SUCLG2: variants seen among roughly 807,000 people sequenced by gnomAD.
The protein encoded by SUCLG2 is succinate-CoA ligase GDP-forming subunit beta.
Under a neutral mutation model 47.9 loss-of-function variants are expected in SUCLG2, and 42 were observed. The observed-to-expected ratio is 0.88, with a 90% confidence interval of 0.69 to 1.14. SUCLG2 has a LOEUF of 1.14. Ranked by LOEUF, SUCLG2 falls within the 50% of genes most tolerant of loss-of-function variation. SUCLG2 has a pLI of 0.00. For synonymous variants in SUCLG2, 195 were observed against 197.3 expected, an observed-to-expected ratio of 0.99 and a Z score of 0.10; for missense variants, 571 against 525.9, an observed-to-expected ratio of 1.09 and a Z score of -0.84.
chr3:67,646,007 T>G (rs1014813260), intron 1 of SUCLG2, among the ~76,000 whole-genome samples: 1 of 150,686 alleles, frequency 6.6e-6, no homozygotes, highest in African/African-American at 2.4e-5. Flanking sequence ...AAAGCTATAA[T>G]GCTGATCCCT....
chr3:67,566,386 T>A (rs1707454289), intron 2 of SUCLG2, among the ~76,000 whole-genome samples: 1 of 152,192 alleles, frequency 6.6e-6, no homozygotes, highest in Admixed American at 6.5e-5. Context: ...AAATCTCATA[T>A]ACCATGTTAA....
At chr3:67,628,088 T>C (rs747793374) in intron 1 of SUCLG2, among the ~76,000 whole-genome samples, 15 of 152,258 alleles carry the variant, frequency 9.9e-5, no homozygotes, top group Admixed American at 2.0e-4. Flanking sequence ...GCATAGTCTC[T>C]ATCTTTCTAA....
rs115253855 is a variant in SUCLG2, at chr3:67,649,163, G to A, written c.84+5340C>T. On this transcript the variant is annotated intron_variant, in intron 1 of 10. Transcript: ENST00000307227. ...AGAGATCAGGCAATGAATGATCAGAGGGAATAGTTCTGCAGACACAGGGTA... is the reference window on the plus strand; with the variant it reads ...AGAGATCAGGCAATGAATGATCAGAAGGAATAGTTCTGCAGACACAGGGTA... 8.4e-3 allele frequency among the ~76,000 whole-genome samples: 1,279 copies of A among 152,280 alleles called. 17 individuals carry two copies. The highest frequency in any genetic ancestry group is 0.029 in the African/African-American group (1,221 of 41,550).
intron 1 of SUCLG2, among the ~76,000 whole-genome samples, chr3:67,640,656 C>T (rs1701086704): frequency 6.6e-6 from 1 of 152,190 alleles, no homozygotes; most frequent in Non-Finnish European, 1.5e-5. Context: ...CCACTATTTG[C>T]CTATTGGCAT....
At chr3:67,541,092 A>G (rs1362063164) in intron 2 of SUCLG2, among the ~76,000 whole-genome samples, 1 of 152,208 alleles carries the variant, frequency 6.6e-6, no homozygotes, top group Non-Finnish European at 1.5e-5. Context: ...ATCCACGAAG[A>G]TAAGGAAGAA....
intron 9 of SUCLG2, among the ~76,000 whole-genome samples, chr3:67,488,952 T>C (rs1006862055): frequency 9.2e-5 from 14 of 152,186 alleles, no homozygotes; most frequent in Admixed American, 7.2e-4. Flanking sequence ...TCACTTACCA[T>C]AAAACAAAGT....
chr3:67,628,345 A>C (rs1012444811), intron 1 of SUCLG2, among the ~76,000 whole-genome samples: 7 of 152,234 alleles, frequency 4.6e-5, no homozygotes, highest in African/African-American at 1.7e-4. Flanking sequence ...TGAATGTATA[A>C]GATGGTCAAA....
intron 9 of SUCLG2, among the ~76,000 whole-genome samples, chr3:67,404,585 C>A (rs1702761267): frequency 6.6e-6 from 1 of 152,114 alleles, no homozygotes; most frequent in Non-Finnish European, 1.5e-5. Context: ...CGATACACCA[C>A]AGCACCCTAA....
At chr3:67,394,652 G>C (rs1702478435) in intron 10 of SUCLG2, among the ~76,000 whole-genome samples, 1 of 151,686 alleles carries the variant, frequency 6.6e-6, no homozygotes, top group Admixed American at 6.6e-5. Context: ...ACAACATTCA[G>C]ATTCAGGAAA....
At chr3:67,636,908 G>A (rs978990146) in intron 1 of SUCLG2, among the ~76,000 whole-genome samples, 1 of 152,026 alleles carries the variant, frequency 6.6e-6, no homozygotes, top group African/African-American at 2.4e-5. Context: ...GACCAGGGAT[G>A]GCAGAGCCTC....
intron 9 of SUCLG2, among the ~76,000 whole-genome samples, chr3:67,451,811 T>G (rs1365252251): frequency 6.6e-6 from 1 of 152,280 alleles, no homozygotes; most frequent in Admixed American, 6.5e-5. Flanking sequence ...TTAAAGATAA[T>G]ATAATCTATG....
At chr3:67,627,835 C>A (rs535375914) in intron 1 of SUCLG2, among the ~76,000 whole-genome samples, 1 of 152,192 alleles carries the variant, frequency 6.6e-6, no homozygotes, top group Non-Finnish European at 1.5e-5. Context: ...ACCAGCCAAG[C>A]AGCAGCCTTT....
At chr3:67,591,491 A>G (rs930884666) in intron 2 of SUCLG2, among the ~76,000 whole-genome samples, 1 of 152,180 alleles carries the variant, frequency 6.6e-6, no homozygotes, top group Non-Finnish European at 1.5e-5. Flanking sequence ...AGGTAATTGA[A>G]TCATGGGGGC....
At chr3:67,368,577 T>C (rs1490102348) in intron 10 of SUCLG2, among the ~76,000 whole-genome samples, 1 of 152,074 alleles carries the variant, frequency 6.6e-6, no homozygotes, top group African/African-American at 2.4e-5. Flanking sequence ...TATGTTTCCA[T>C]TTTTCTGGCA....
intron 10 of SUCLG2, among the ~76,000 whole-genome samples, chr3:67,393,768 A>ACC (rs1228804741): frequency 1.4e-4 from 21 of 151,986 alleles, no homozygotes; most frequent in Admixed American, 3.3e-4. Context: ...ACTGCGAGGC[A>ACC]CCCCAGCAGG....
chr3:67,622,878 C>CACTG (rs1417010858), intron 1 of SUCLG2, among the ~76,000 whole-genome samples: 3 of 152,174 alleles, frequency 2.0e-5, no homozygotes, highest in African/African-American at 7.2e-5. Context: ...TGTGCTTAGG[C>CACTG]ACTGCCCTTG....
chr3:67,507,424 A>G (rs747625796), intron 7 of SUCLG2, among the ~76,000 whole-genome samples: 3 of 151,888 alleles, frequency 2.0e-5, no homozygotes, highest in Admixed American at 1.3e-4. Context: ...GGACTAGCCT[A>G]TTTTGTATCT....
intron 9 of SUCLG2, among the ~76,000 whole-genome samples, chr3:67,483,369 C>A (rs1389919209): frequency 6.6e-6 from 1 of 152,160 alleles, no homozygotes; most frequent in Non-Finnish European, 1.5e-5. Flanking sequence ...CCCACAAACT[C>A]CAACTCCAAA....
chr3:67,507,048 T>A (rs1364525193), intron 7 of SUCLG2, among the ~76,000 whole-genome samples: 1 of 152,160 alleles, frequency 6.6e-6, no homozygotes, highest in Non-Finnish European at 1.5e-5. Flanking sequence ...AAAATGGGGA[T>A]AACAACTCCT....
Sources: gnomAD v4.1 joint callset for allele counts (sites outside exome capture counted in the v4.1 genomes callset) on GRCh38, gnomAD v4.1.1 for gene constraint, MANE v1.5 for transcripts, NCBI Gene and HGNC (gene_info 2026-07-23, HGNC 2026-07-21) for gene names.